Variants in RBFOX3 observed in about 807,000 individuals in gnomAD.
RBFOX3 encodes RNA binding fox-1 homolog 3, also known as RNA binding protein fox-1 homolog 3.
In RBFOX3, 17 loss-of-function variants were observed where a neutral mutation model predicts 48.7. That is an observed-to-expected ratio of 0.35 (90% CI 0.24 to 0.52). The LOEUF is 0.52. Ranked by LOEUF, RBFOX3 falls within the 20% of genes least tolerant of loss-of-function variation. The pLI, the probability that RBFOX3 is intolerant of heterozygous loss-of-function variation, is 0.94. For synonymous variants in RBFOX3, 212 were observed against 209.5 expected (o/e 1.01, Z -0.10); for missense variants, 382 against 497.5 (o/e 0.77, Z 2.21).
intron 4 of RBFOX3, among the ~76,000 whole-genome samples, chr17:79,217,025 G>A (rs542125647): frequency 1.3e-5 from 2 of 152,298 alleles, no homozygotes; most frequent in East Asian, 3.9e-4. Context: ...AAGCAGGCAG[G>A]GGGCCCCCCA....
At chr17:79,619,444 C>T in the RBFOX3 span, among the ~76,000 whole-genome samples, 1 of 152,324 alleles carries the variant, frequency 6.6e-6, no homozygotes, top group East Asian at 1.9e-4. Context: ...CCAGGTACTC[C>T]GGGGCTTGTG....
chr17:79,151,333 G>C (rs988162217), intron 4 of RBFOX3, among the ~76,000 whole-genome samples: 1 of 148,258 alleles, frequency 6.7e-6, no homozygotes, highest in African/African-American at 2.5e-5. Flanking sequence ...TGGTCCCGAC[G>C]GCTCTGGGTC....
At chr17:79,156,175 T>C (rs954038492) in intron 4 of RBFOX3, among the ~76,000 whole-genome samples, 2 of 152,194 alleles carry the variant, frequency 1.3e-5, no homozygotes, top group African/African-American at 4.8e-5. Flanking sequence ...CTCTGAACTT[T>C]CTGGGGGTCT....
chr17:79,417,747 G>C (rs1408099614), intron 2 of RBFOX3, among the ~76,000 whole-genome samples: 3 of 152,236 alleles, frequency 2.0e-5, no homozygotes, highest in African/African-American at 7.2e-5. Flanking sequence ...ACTGAGAGCC[G>C]CAACTCCAAC....
At position 79,362,274 on chromosome 17, in the gene RBFOX3, T is replaced by C. The variant is rs374758094; in HGVS notation, c.-174-54450A>G. On this transcript the variant is annotated intron_variant, in intron 2 of 14. Coordinates refer to ENST00000693108, the MANE Select transcript of RBFOX3 (RefSeq NM_001350451.2). The surrounding 1 kb of genome is among the most constrained non-coding windows in gnomAD (Gnocchi z 4.2). Reference sequence around the variant, plus strand: ...ATTTTCCTGCCTTTGGGAAAATGCATCTGTCTCCCTGCGTTTCTCTGAAGC... The same window carrying C: ...ATTTTCCTGCCTTTGGGAAAATGCACCTGTCTCCCTGCGTTTCTCTGAAGC... 2.8e-3 allele frequency among the ~76,000 whole-genome samples: 423 copies of C among 152,342 alleles called. 4 individuals are homozygous for C. The highest frequency in any genetic ancestry group is 9.7e-3 in the African/African-American group (403 of 41,594).
At chr17:79,274,963 C>T (rs866353564) in intron 3 of RBFOX3, among the ~76,000 whole-genome samples, 4 of 150,232 alleles carry the variant, frequency 2.7e-5, no homozygotes, top group Non-Finnish European at 5.9e-5. Context: ...ACATGGCCCC[C>T]GCAGGCATCC....
At chr17:79,238,111 A>AT (rs1283119403) in intron 3 of RBFOX3, among the ~76,000 whole-genome samples, 2 of 151,968 alleles carry the variant, frequency 1.3e-5, no homozygotes, top group Non-Finnish European at 2.9e-5. Flanking sequence ...TAATTTTTGT[A>AT]TTTTTGGTAG....
At chr17:79,439,526 G>A (rs2070364415) in intron 2 of RBFOX3, among the ~76,000 whole-genome samples, 2 of 152,342 alleles carry the variant, frequency 1.3e-5, no homozygotes, top group Middle Eastern at 3.4e-3. Context: ...GGAGGTCTAG[G>A]CTGTTTTCCC....
chr17:79,462,653 C>T (rs1640289077), intron 2 of RBFOX3, among the ~76,000 whole-genome samples: 1 of 152,202 alleles, frequency 6.6e-6, no homozygotes, highest in South Asian at 2.1e-4. Context: ...CAGCCCAAAA[C>T]ATCACTAGTG....
At chr17:79,451,920 A>G (rs895085485) in intron 2 of RBFOX3, among the ~76,000 whole-genome samples, 8 of 152,190 alleles carry the variant, frequency 5.3e-5, no homozygotes, top group African/African-American at 1.9e-4. Flanking sequence ...CGCCCACAGC[A>G]TCCCTGCCAC....
In RBFOX3 at chr17:79,362,928, C is replaced by T. The variant is rs1465039726; in HGVS notation, c.-174-55104G>A. ...GGTCCCACTCCCCAATCTATATCCC[C>T]AAATGCTGGTGATGTCCTGTCCTGA... On this transcript the variant is annotated intron_variant, in intron 2 of 14. Coordinates refer to ENST00000693108, the MANE Select transcript of RBFOX3 (RefSeq NM_001350451.2). This position sits in a 1 kb window ranked among gnomAD's most constrained non-coding sequence, Gnocchi z 4.2. 1.3e-5 allele frequency among the ~76,000 whole-genome samples: 2 copies of T among 152,210 alleles called. No homozygotes were observed. The highest frequency in any genetic ancestry group is 4.8e-5 in the African/African-American group (2 of 41,454).
chr17:79,389,440 T>C (rs1341252042), intron 2 of RBFOX3, among the ~76,000 whole-genome samples: 1 of 152,218 alleles, frequency 6.6e-6, no homozygotes. Flanking sequence ...TCAGGAACTC[T>C]ACAAGCCAGC....
At chr17:79,578,733 G>A (rs997827665) in intron 1 of RBFOX3, among the ~76,000 whole-genome samples, 6 of 152,248 alleles carry the variant, frequency 3.9e-5, no homozygotes, top group African/African-American at 7.2e-5. Context: ...TTAAAAGGAA[G>A]TGCAGCTTCT....
rs117763782 is a variant in RBFOX3 at position 79,391,567 on chromosome 17, C to T, written c.-174-83743G>A. On this transcript the variant is annotated intron_variant, in intron 2 of 14. Coordinates refer to ENST00000693108, the MANE Select transcript of RBFOX3 (RefSeq NM_001350451.2). The surrounding 1 kb of genome is among the most constrained non-coding windows in gnomAD (Gnocchi z 5.0). ...TCACCCGAAACCAACCTCACAGGTG[C>T]TGATTCACTTTTAGGAATTAGGAAT... Among the ~76,000 whole-genome samples, 992 of 152,306 alleles carry T rather than the reference C, an allele frequency of 6.5e-3. 1 individual carries two copies. Among genetic ancestry groups the T allele is most frequent in the Middle Eastern group, 0.014 (4 of 294 alleles).
intron 2 of RBFOX3, among the ~76,000 whole-genome samples, chr17:79,372,771 C>T (rs1436835803): frequency 2.6e-5 from 4 of 152,164 alleles, no homozygotes; most frequent in Non-Finnish European, 4.4e-5. Context: ...CCCACCTTTG[C>T]GTGGGCATCA....
intron 1 of RBFOX3, among the ~76,000 whole-genome samples, chr17:79,548,284 G>A (rs1361855378): frequency 6.6e-6 from 1 of 152,124 alleles, no homozygotes; most frequent in African/African-American, 2.4e-5. Flanking sequence ...AGAGCACTGG[G>A]GTCTCGGGCC....
At chr17:79,647,321 T>A in the RBFOX3 span, among the ~76,000 whole-genome samples, 1 of 152,136 alleles carries the variant, frequency 6.6e-6, no homozygotes, top group East Asian at 1.9e-4. Context: ...TGAGTTCCTC[T>A]CTCCCATAGC....
At chr17:79,378,205 G>A (rs981937541) in intron 2 of RBFOX3, among the ~76,000 whole-genome samples, 1 of 151,836 alleles carries the variant, frequency 6.6e-6, no homozygotes, top group Non-Finnish European at 1.5e-5. Context: ...TCCCCGTAGG[G>A]GCTTAGCCCT....
At chr17:79,263,037 TTGAGGCGACTTAGC>T (rs901880792) in intron 3 of RBFOX3, among the ~76,000 whole-genome samples, 39 of 152,196 alleles carry the variant, frequency 2.6e-4, no homozygotes, top group Middle Eastern at 3.4e-3. Flanking sequence ...CCACTCTGGG[TTGAGGCGACTTAGC>T]TGAGCAGGCC....
Sources: allele counts gnomAD v4.1 joint callset (sites outside exome capture counted in the v4.1 genomes callset), GRCh38; gene constraint gnomAD v4.1.1; non-coding constraint Gnocchi (gnomAD v3.1); transcripts MANE v1.5; gene names NCBI Gene and HGNC (gene_info 2026-07-23, HGNC 2026-07-21).